The following ALDH3B1 variants were observed in gnomAD, a reference collection of about 807,000 sequenced individuals.
ALDH3B1 encodes aldehyde dehydrogenase family 3 member B1.
A neutral mutation model predicts 46.2 loss-of-function variants in ALDH3B1; 37 were observed. That is an observed-to-expected ratio of 0.80 (90% CI 0.62 to 1.05). The LOEUF (loss-of-function observed/expected upper bound fraction) is 1.05, where lower values mean the gene tolerates loss of function less well. ALDH3B1 is among the 50% of genes least tolerant of loss of function. The probability of loss-of-function intolerance (pLI) is 0.00; values close to 1 mark genes in which losing one functional copy is unlikely to be tolerated. For missense variants in ALDH3B1, 603 were observed against 665.5 expected (o/e 0.91, Z 1.03); for synonymous variants, 283 against 281.0 (o/e 1.01, Z -0.07).
intron 3 of ALDH3B1, 48 bp from the exon 4 acceptor site, chr11:68,018,725 G>A (rs1287844255): frequency 3.2e-6 from 5 of 1,549,138 alleles, no homozygotes; most frequent in Admixed American, 3.9e-5. Context: ...TGGCTGCTGA[G>A]GGGCCGGGGT....
rs776296046 is a variant in ALDH3B1, at chr11:68,019,158, A to T, written c.395-12A>T. The T allele has an allele frequency of 6.2e-7, 1 of 1,610,116 alleles. No individual in the cohort carries two copies. Among genetic ancestry groups the T allele is most frequent in the East Asian group, 2.2e-5 (1 of 44,736 alleles). ...ACGCCTCCTCCAGCTCTCTCCCTGC[A>T]CTGCCCTGCAGGGAACTGTGTGGTG... On this transcript the variant is annotated splice_polypyrimidine_tract_variant and intron_variant, in intron 4 of 9. Coordinates refer to ENST00000342456, the MANE Select transcript of ALDH3B1 (RefSeq NM_000694.4).
rs747856590 is a variant in ALDH3B1 at position 68,021,475 on chromosome 11, C to A, written c.563-10C>A. ...ACTGAACGGCCACTCTGGTTTCCTT[C>A]CATGCCCAGGGAGCCCTCGTGTGGG... On this transcript the variant is annotated splice_polypyrimidine_tract_variant and intron_variant, in intron 6 of 9. Transcript: ENST00000342456. 1 of 1,603,018 alleles carries A rather than the reference C, an allele frequency of 6.2e-7. No individual in the cohort carries two copies. Among genetic ancestry groups the A allele is most frequent in the Non-Finnish European group, 8.5e-7 (1 of 1,173,652 alleles).
chr11:68,013,627 T>C (rs1302659785), intron 1 of ALDH3B1, among the ~76,000 whole-genome samples: 2 of 152,256 alleles, frequency 1.3e-5, no homozygotes, highest in African/African-American at 4.8e-5. Flanking sequence ...TGATGTCATT[T>C]AATCCTCACA....
chr11:68,010,100 G>C (rs771194788), upstream of ALDH3B1, among the ~76,000 whole-genome samples: 1 of 152,144 alleles, frequency 6.6e-6, no homozygotes, highest in Non-Finnish European at 1.5e-5. Context: ...TCCTCCTCAG[G>C]CTGCCCCTCA....
chr11:68,014,416 C>T lies in ALDH3B1; in HGVS notation c.-1-881C>T, dbSNP rs541891024. ...AGAGGGAAGGAGGAAAGGGTCACCA[C>T]GGGTCCTTGGCACCAGGCCGAGGAA... On this transcript the variant is annotated intron_variant, in intron 1 of 9. Transcript: ENST00000342456. Among the ~76,000 whole-genome samples, 30 of 152,342 alleles carry T rather than the reference C, an allele frequency of 2.0e-4. 1 individual carries two copies. Among genetic ancestry groups the T allele is most frequent in the African/African-American group, 6.3e-4 (26 of 41,574 alleles).
intron 1 of ALDH3B1, among the ~76,000 whole-genome samples, chr11:68,011,063 CT>C (rs1332584820): frequency 5.3e-5 from 8 of 152,216 alleles, no homozygotes; most frequent in Admixed American, 5.2e-4. Context: ...GGAGGGGCTG[CT>C]GAGCTTTGGG....
chr11:68,023,883 C>A (rs955771076), intron 8 of ALDH3B1, among the ~76,000 whole-genome samples: 5 of 151,126 alleles, frequency 3.3e-5, no homozygotes, highest in Admixed American at 2.6e-4. Context: ...CTCTATGAAA[C>A]ATTTTTTTAA....
intron 6 of ALDH3B1, among the ~76,000 whole-genome samples, chr11:68,020,812 C>T (rs1857473402): frequency 6.6e-6 from 1 of 152,230 alleles, no homozygotes; most frequent in Admixed American, 6.5e-5. Context: ...GCCATCCCCA[C>T]AGACGCAGCA....
At chr11:68,024,508 T>C (rs1413737106) in intron 8 of ALDH3B1, 1 of 152,258 alleles carries the variant, frequency 6.6e-6, no homozygotes, top group African/African-American at 2.4e-5. Flanking sequence ...TTTGTTGTAT[T>C]GCCATTTGAT....
At position 68,021,710 on chromosome 11, in the gene ALDH3B1, C is replaced by T. The variant is rs2134394362; in HGVS notation, c.788C>T (p.Ala263Val). The T allele has an allele frequency of 6.2e-7, 1 of 1,614,134 alleles. No homozygotes were observed. Among genetic ancestry groups the T allele is most frequent in the Middle Eastern group, 1.7e-4 (1 of 6,036 alleles). Reference protein sequence around the residue: ...SPEMQERLLPALQSTITRFYG... With the variant: ...SPEMQERLLPVLQSTITRFYG... The stretch of plus-strand genomic sequence containing the variant: ...GAGATGCAGGAGAGGCTGCTGCCTG[C>T]CCTGCAGAGCACCATCACCCGTTTC... The change falls in exon 7 of 10, where the codon GCC (alanine) becomes GTC (valine). Residue 263 changes from alanine (A) to valine (V), a missense_variant. Physicochemically the swap from Ala to Val is moderately conservative, Grantham distance 64 (BLOSUM62 0). Coordinates refer to ENST00000342456, the MANE Select transcript of ALDH3B1 (RefSeq NM_000694.4).
intron 1 of ALDH3B1, among the ~76,000 whole-genome samples, chr11:68,014,349 G>A (rs1857295557): frequency 6.6e-6 from 1 of 152,194 alleles, no homozygotes; most frequent in Admixed American, 6.5e-5. Context: ...GCTGCCTGGA[G>A]GAAGCATCAG....
intron 9 of ALDH3B1, among the ~76,000 whole-genome samples, 200 bp downstream of exon 9, chr11:68,026,308 CA>C (rs1055190518): frequency 6.6e-6 from 1 of 151,740 alleles, no homozygotes; most frequent in African/African-American, 2.4e-5. Context: ...GACCCCATCT[CA>C]AAAAAAAGTC....
At chr11:68,015,785 G>A in intron 2 of ALDH3B1, 1 of 438,932 alleles carries the variant, frequency 2.3e-6, no homozygotes, top group South Asian at 1.8e-5. Flanking sequence ...GCACAGCAAG[G>A]CCGGGCATGG....
At position 68,027,785 on chromosome 11, in the gene ALDH3B1, C is replaced by A; in HGVS notation, c.1253C>A (p.Ser418Tyr). 1 of 1,559,982 alleles carries A rather than the reference C, an allele frequency of 6.4e-7. No homozygotes were observed. The highest frequency in any genetic ancestry group is 2.3e-5 in the East Asian group (1 of 42,794). Reference protein sequence around the residue: ...SGMGRYHGKFSFDTFSHHRAC... With the variant: ...SGMGRYHGKFYFDTFSHHRAC... ...ATGGGCCGGTACCATGGCAAGTTCTCCTTCGACACCTTCTCCCACCATCGC... is the reference window on the plus strand; with the variant it reads ...ATGGGCCGGTACCATGGCAAGTTCTACTTCGACACCTTCTCCCACCATCGC... The change falls in exon 10 of 10, where the codon TCC (serine) becomes TAC (tyrosine). Residue 418 changes from serine to tyrosine, a missense_variant. By Grantham distance (144) the Ser-to-Tyr change is moderately radical. Coordinates refer to ENST00000342456, the MANE Select transcript of ALDH3B1 (RefSeq NM_000694.4).
intron 1 of ALDH3B1, among the ~76,000 whole-genome samples, chr11:68,013,370 C>G (rs529981906): frequency 6.6e-6 from 1 of 152,228 alleles, no homozygotes; most frequent in African/African-American, 2.4e-5. Context: ...CCACAGTCCA[C>G]CATTCACGTT....
intron 9 of ALDH3B1, among the ~76,000 whole-genome samples, chr11:68,026,586 C>A (rs1857628877): frequency 6.6e-6 from 1 of 152,144 alleles, no homozygotes; most frequent in Non-Finnish European, 1.5e-5. Context: ...CCTCCACCCC[C>A]CAGAGCAGCC....
chr11:68,013,742 C>T (rs576899844), intron 1 of ALDH3B1, among the ~76,000 whole-genome samples: 27 of 152,334 alleles, frequency 1.8e-4, no homozygotes, highest in African/African-American at 5.3e-4. Context: ...AGGCAGAGCC[C>T]GGAGACAGGC....
intron 7 of ALDH3B1, among the ~76,000 whole-genome samples, 176 bp from the exon 8 acceptor site, chr11:68,022,419 G>C (rs1021447873): frequency 6.6e-6 from 1 of 152,184 alleles, no homozygotes; most frequent in Non-Finnish European, 1.5e-5. Flanking sequence ...AGTCCCTTCT[G>C]GGGGGCTGTG....
chr11:68,009,009 G>T (rs1301766710), upstream of ALDH3B1, among the ~76,000 whole-genome samples: 3 of 152,196 alleles, frequency 2.0e-5, no homozygotes, highest in Non-Finnish European at 4.4e-5. Flanking sequence ...GGAAGATCGG[G>T]ACTACAGGAA....
Sources: allele counts gnomAD v4.1 joint callset (sites outside exome capture counted in the v4.1 genomes callset), GRCh38; gene constraint gnomAD v4.1.1; transcripts MANE v1.5; gene names NCBI Gene and HGNC (gene_info 2026-07-23, HGNC 2026-07-21).